ASIC2: variants seen among roughly 807,000 people sequenced by gnomAD.
The protein encoded by ASIC2 is acid-sensing ion channel 2.
Under a neutral mutation model 57.3 loss-of-function variants are expected in ASIC2, and 25 were observed. That is an observed-to-expected ratio of 0.44 (90% confidence interval 0.32 to 0.61). The LOEUF (loss-of-function observed/expected upper bound fraction) is 0.61. Ranked by LOEUF, ASIC2 falls within the 20% of genes least tolerant of loss-of-function variation. The pLI, the probability that ASIC2 is intolerant of heterozygous loss-of-function variation, is 0.06. For synonymous variants in ASIC2, 319 were observed against 307.5 expected (o/e 1.04, Z -0.39); for missense variants, 641 against 738.1 (o/e 0.87, Z 1.52).
chr17:33,976,840 G>A (rs1156591336), intron 1 of ASIC2: 1 of 152,064 alleles, frequency 6.6e-6, no homozygotes, highest in African/African-American at 2.4e-5. Flanking sequence ...CTGGGGGTGG[G>A]TGTGGGCAGG....
At chr17:34,128,235 G>A (rs1911845677) in intron 1 of ASIC2, among the ~76,000 whole-genome samples, 1 of 152,196 alleles carries the variant, frequency 6.6e-6, no homozygotes, top group South Asian at 2.1e-4. Context: ...GGGAGGCAAA[G>A]TAGTCTTATC....
upstream of ASIC2, among the ~76,000 whole-genome samples, chr17:33,297,126 G>A (rs1050112750): frequency 2.0e-5 from 3 of 152,304 alleles, no homozygotes; most frequent in Admixed American, 6.5e-5. Context: ...ATCAGAGCAC[G>A]TTGATGCTGA....
intron 1 of ASIC2, among the ~76,000 whole-genome samples, chr17:33,673,737 G>A (rs917157742): frequency 2.6e-5 from 4 of 152,136 alleles, no homozygotes; most frequent in African/African-American, 9.7e-5. Flanking sequence ...ATCTTCAGGG[G>A]ATTAAATCCT....
At chr17:33,845,433 A>C (rs1913553203) in intron 1 of ASIC2, among the ~76,000 whole-genome samples, 1 of 151,692 alleles carries the variant, frequency 6.6e-6, no homozygotes, top group African/African-American at 2.4e-5. Flanking sequence ...GGAGGTATGC[A>C]GTGGGTGGTA....
intron 1 of ASIC2, among the ~76,000 whole-genome samples, chr17:33,941,309 C>A (rs1597940805): frequency 6.6e-6 from 1 of 152,314 alleles, no homozygotes; most frequent in African/African-American, 2.4e-5. Context: ...AGAAGAAAAG[C>A]TTCAGATCTG....
intron 1 of ASIC2, among the ~76,000 whole-genome samples, chr17:33,580,465 T>C (rs1271984337): frequency 6.6e-6 from 1 of 152,162 alleles, no homozygotes; most frequent in Non-Finnish European, 1.5e-5. Context: ...GCAAATGATG[T>C]TACTTGTAGA....
chr17:33,458,250 C>G (rs1278986321), intron 1 of ASIC2, among the ~76,000 whole-genome samples: 1 of 152,048 alleles, frequency 6.6e-6, no homozygotes. Flanking sequence ...GAGGTCTTGC[C>G]AAGAGCTTTA....
intron 1 of ASIC2, among the ~76,000 whole-genome samples, chr17:33,176,926 G>T (rs994076360): frequency 1.3e-5 from 2 of 152,190 alleles, no homozygotes; most frequent in African/African-American, 4.8e-5. Flanking sequence ...GAGAAGAGAA[G>T]ATAGTAGATG....
At chr17:33,338,920 G>A (rs1466623229) in intron 1 of ASIC2, among the ~76,000 whole-genome samples, 2 of 152,154 alleles carry the variant, frequency 1.3e-5, no homozygotes, top group African/African-American at 4.8e-5. Flanking sequence ...GGGCTGGAGG[G>A]ATGGATCAAT....
chr17:33,191,022 A>G (rs1324394974), intron 1 of ASIC2, among the ~76,000 whole-genome samples: 2 of 152,236 alleles, frequency 1.3e-5, no homozygotes, highest in Admixed American at 6.5e-5. Flanking sequence ...AGGCTTGTAC[A>G]TGGATGTTTA....
At chr17:34,135,467 T>C (rs1912099698) in intron 1 of ASIC2, among the ~76,000 whole-genome samples, 1 of 152,216 alleles carries the variant, frequency 6.6e-6, no homozygotes, top group Non-Finnish European at 1.5e-5. Context: ...TGGCTGGGCA[T>C]TAAAATTAAC....
At chr17:33,375,880 CA>C (rs11315492) in intron 1 of ASIC2, among the ~76,000 whole-genome samples, 49,603 of 151,936 alleles carry the variant, frequency 0.33, 9,168 homozygotes, top group African/African-American at 0.51. Flanking sequence ...AAGTGAGTAG[CA>C]GCTAACTAAG....
chr17:34,078,632 T>G (rs1444360562), intron 1 of ASIC2, among the ~76,000 whole-genome samples: 2 of 151,924 alleles, frequency 1.3e-5, no homozygotes, highest in Admixed American at 6.6e-5. Context: ...CATAGAAACA[T>G]GGGGATGGGG....
At chr17:33,303,420 G>A (rs1001927660) in intron 1 of ASIC2, among the ~76,000 whole-genome samples, 1 of 152,146 alleles carries the variant, frequency 6.6e-6, no homozygotes, top group African/African-American at 2.4e-5. Flanking sequence ...AGAGGTTCAG[G>A]GAGGTACCCA....
chr17:33,492,267 G>A (rs977952865), intron 1 of ASIC2, among the ~76,000 whole-genome samples: 6 of 152,242 alleles, frequency 3.9e-5, no homozygotes, highest in African/African-American at 1.4e-4. Context: ...CACGGATGAG[G>A]AAACTGAGCA....
intron 1 of ASIC2, among the ~76,000 whole-genome samples, chr17:33,220,326 C>A (rs774031523): frequency 6.6e-6 from 1 of 152,182 alleles, no homozygotes; most frequent in South Asian, 2.1e-4. Context: ...GCAGTTTTTG[C>A]ACAGTGGCCC....
intron 1 of ASIC2, among the ~76,000 whole-genome samples, chr17:33,927,641 G>A (rs1915851174): frequency 6.6e-6 from 1 of 152,120 alleles, no homozygotes; most frequent in East Asian, 1.9e-4. Context: ...ATTTGTTAGA[G>A]CAGCCCAAAA....
chr17:33,060,143 T>C (rs2092014838), intron 3 of ASIC2, among the ~76,000 whole-genome samples: 1 of 152,274 alleles, frequency 6.6e-6, no homozygotes, highest in Non-Finnish European at 1.5e-5. Context: ...TTTCTTTTGC[T>C]GTGCAGAAGC....
At chr17:33,991,341 G>A (rs1905994020) in intron 1 of ASIC2, among the ~76,000 whole-genome samples, 1 of 152,160 alleles carries the variant, frequency 6.6e-6, no homozygotes, top group Non-Finnish European at 1.5e-5. Context: ...GCTGGGGAGA[G>A]CCAGGATGAA....
Sources: allele counts gnomAD v4.1 joint callset (sites outside exome capture counted in the v4.1 genomes callset), GRCh38; gene constraint gnomAD v4.1.1; transcripts MANE v1.5; gene names NCBI Gene and HGNC (gene_info 2026-07-23, HGNC 2026-07-21).